MCRIP1: variants seen among roughly 807,000 people sequenced by gnomAD.
MCRIP1 encodes MAPK regulated corepressor interacting protein 1, also known as mapk-regulated corepressor-interacting protein 1.
A neutral mutation model predicts 14.4 loss-of-function variants in MCRIP1; 10 were observed. The ratio of observed to expected loss-of-function variants is 0.70; its 90% CI spans 0.43 to 1.18. The LOEUF is 1.18. MCRIP1 is among the 50% of genes most tolerant of loss of function. The pLI is 0.00. For synonymous variants in MCRIP1, 53 were observed against 55.7 expected (o/e 0.95, Z 0.21); for missense variants, 119 against 135.4 (o/e 0.88, Z 0.60).
In MCRIP1 at chr17:81,823,146, G is replaced by C; in HGVS notation, c.*101C>G. ...CCAGTGCTGGGATCTGCAGCCCGCTGGAGCAAGGCACCCCCATCCCAGGGG... is the reference window on the plus strand; with the variant it reads ...CCAGTGCTGGGATCTGCAGCCCGCTCGAGCAAGGCACCCCCATCCCAGGGG... On this transcript the variant is annotated 3_prime_UTR_variant, in exon 5 of 5. Transcript: ENST00000455127. The surrounding 1 kb of genome is among the most constrained non-coding windows in gnomAD (Gnocchi z 6.0). 8.6e-7 allele frequency: 1 copy of C among 1,160,428 alleles called. No individual in the cohort carries two copies. The highest frequency in any genetic ancestry group is 1.2e-6 in the Non-Finnish European group (1 of 807,160). The allele number at this position is 1,160,428 out of a possible 1,614,324, so 71.9% of individuals were successfully genotyped here. A position where few individuals can be genotyped will look rare whatever the true frequency, so the allele number is the denominator to read the frequency against.
intron 1 of MCRIP1, 32 bp downstream of exon 1, chr17:81,833,206 G>C (rs1174084115): frequency 1.4e-5 from 2 of 141,924 alleles, no homozygotes; most frequent in African/African-American, 5.0e-5. Flanking sequence ...GCCCCGCCCC[G>C]TCCCCGCCGC....
chr17:81,823,909 A>T lies in MCRIP1; in HGVS notation c.127+378T>A, dbSNP rs2038327591. ...ACAACCACCTCCCGGCCACTTCTGC[A>T]ACACGCCCGTTCATGGCTGGATGCG... On this transcript the variant is annotated intron_variant, in intron 3 of 4. Coordinates refer to ENST00000455127, the MANE Select transcript of MCRIP1 (RefSeq NM_207368.5). This position sits in a 1 kb window ranked among gnomAD's most constrained non-coding sequence, Gnocchi z 6.0. 1 of 514,388 alleles carries T rather than the reference A, an allele frequency of 1.9e-6. No individual in the cohort carries two copies. The highest frequency in any genetic ancestry group is 1.9e-5 in the African/African-American group (1 of 51,988). 31.9% of individuals were successfully genotyped at this position (514,388 alleles called of 1,614,324 possible). A position where few individuals can be genotyped will look rare whatever the true frequency, so the allele number is the denominator to read the frequency against.
rs547824351 is a variant in MCRIP1 at position 81,822,786 on chromosome 17, G to A, written c.*461C>T. Reference sequence around the variant, plus strand: ...CACGGGAGCAGCAAGGGTCTGCGGGGAGCCCAGGCTGGATGGGGTGGGGCT... The same window carrying A: ...CACGGGAGCAGCAAGGGTCTGCGGGAAGCCCAGGCTGGATGGGGTGGGGCT... On this transcript the variant is annotated 3_prime_UTR_variant, in exon 5 of 5. Coordinates refer to ENST00000455127, the MANE Select transcript of MCRIP1 (RefSeq NM_207368.5). The A allele has an allele frequency of 1.2e-4, 26 of 216,776 alleles. No individual in the cohort carries two copies. The South Asian group carries it at 1.9e-3, about 15-fold the overall frequency. 13.4% of individuals were successfully genotyped at this position (216,776 alleles called of 1,614,324 possible). A position where few individuals can be genotyped will look rare whatever the true frequency, so the allele number is the denominator to read the frequency against.
chr17:81,826,369 T>C lies in MCRIP1; in HGVS notation c.-48-1815A>G, dbSNP rs776573218. 3.3e-6 allele frequency: 5 copies of C among 1,535,298 alleles called. No homozygotes were observed. In the African/African-American group the frequency reaches 4.1e-5, roughly 13 times the overall value. On this transcript the variant is annotated intron_variant, in intron 1 of 4. Transcript: ENST00000455127. ...CCCACACACATGCGGCACACACCCA[T>C]ATGAACACACCTGGTGTGGCAGCAT... is the stretch of plus-strand genomic sequence containing the variant.
At chr17:81,824,204 C>T (rs1489186109) in intron 3 of MCRIP1, 83 bp downstream of exon 3, 1 of 1,144,520 alleles carries the variant, frequency 8.7e-7, no homozygotes, top group Non-Finnish European at 1.3e-6. Context: ...GCAGGAGGTT[C>T]CTCGGAGCGT....
intron 3 of MCRIP1, among the ~76,000 whole-genome samples, chr17:81,824,006 G>C (rs2038329907): frequency 6.6e-6 from 1 of 152,250 alleles, no homozygotes; most frequent in Middle Eastern, 3.4e-3. Context: ...TGGATGACTG[G>C]CTCCCAGTGC....
intron 1 of MCRIP1, chr17:81,825,029 TGATTTCCTTTCTGTAAAACGGG>T (rs2038360637): frequency 2.9e-6 from 3 of 1,020,488 alleles, no homozygotes; most frequent in Non-Finnish European, 2.3e-6. Flanking sequence ...TGCTGAGCCT[TGATTTCCTTTCTGTAAAACGGG>T]GATGAGCTTC....
At chr17:81,824,662 G>C (rs370593495) in intron 1 of MCRIP1, 108 bp from the exon 2 acceptor site, 2 of 1,506,906 alleles carry the variant, frequency 1.3e-6, no homozygotes, top group Admixed American at 4.0e-5. Flanking sequence ...TGTGAACAAA[G>C]TGCATGGTCC....
chr17:81,829,250 C>T (rs2038471754), intron 1 of MCRIP1, among the ~76,000 whole-genome samples: 1 of 146,392 alleles, frequency 6.8e-6, no homozygotes, highest in South Asian at 2.2e-4. Context: ...CGAGGCCGAC[C>T]ACAGGTGAAG....
At chr17:81,831,157 G>A (rs771322102) in intron 1 of MCRIP1, among the ~76,000 whole-genome samples, 2 of 140,432 alleles carry the variant, frequency 1.4e-5, no homozygotes, top group Non-Finnish European at 3.0e-5. Flanking sequence ...GGGCAACAGA[G>A]CAAGACTCTG....
intron 3 of MCRIP1, 116 bp downstream of exon 3, chr17:81,824,171 C>A: frequency 1.2e-6 from 1 of 839,594 alleles, no homozygotes; most frequent in Non-Finnish European, 1.9e-6. Context: ...TATCTGTGCC[C>A]TGGAGGGGCA....
chr17:81,824,959 C>T (rs1015577293), intron 1 of MCRIP1: 12 of 1,090,190 alleles, frequency 1.1e-5, no homozygotes, highest in Admixed American at 9.6e-5. Context: ...AGCAGAGGGC[C>T]TGCAGCCCCT....
intron 1 of MCRIP1, among the ~76,000 whole-genome samples, chr17:81,829,676 G>C (rs996034456): frequency 2.0e-5 from 3 of 152,142 alleles, no homozygotes; most frequent in Non-Finnish European, 4.4e-5. Flanking sequence ...GAGGACCCTC[G>C]ATGACACTCT....
rs558337196 is a variant in MCRIP1, at chr17:81,825,149, G to A, written c.-48-595C>T. On this transcript the variant is annotated intron_variant, in intron 1 of 4. Coordinates refer to ENST00000455127, the MANE Select transcript of MCRIP1 (RefSeq NM_207368.5). ...GAGCCACATCAGTACCCTGGAGATG[G>A]AACCAAACTCCAGCTCCCCTGGTGG... 283 of 1,036,302 alleles carry A rather than the reference G, an allele frequency of 2.7e-4. 2 individuals carry two copies. The African/African-American group carries it at 4.7e-3, about 17-fold the overall frequency. 64.2% of individuals were successfully genotyped at this position (1,036,302 alleles called of 1,614,324 possible). A position where few individuals can be genotyped will look rare whatever the true frequency, so the allele number is the denominator to read the frequency against.
intron 1 of MCRIP1, among the ~76,000 whole-genome samples, chr17:81,828,261 GC>G (rs1309342899): frequency 7.5e-6 from 1 of 132,990 alleles, no homozygotes; most frequent in Non-Finnish European, 1.6e-5. Flanking sequence ...GCCTCACACT[GC>G]CCCCCCACCC....
At position 81,823,694 on chromosome 17, in the gene MCRIP1, C is replaced by T. The variant is rs911772430; in HGVS notation, c.128-181G>A. On this transcript the variant is annotated intron_variant, in intron 3 of 4. Transcript: ENST00000455127. This position sits in a 1 kb window ranked among gnomAD's most constrained non-coding sequence, Gnocchi z 6.0. The stretch of plus-strand genomic sequence containing the variant: ...CTCACTCACCTGCAGACCCCGTCCC[C>T]GCTCCTCTGGCAGGCCTGTCCCTTC... 4 of 618,984 alleles carry T rather than the reference C, an allele frequency of 6.5e-6. No individual in the cohort carries two copies. Among genetic ancestry groups the T allele is most frequent in the East Asian group, 2.7e-5 (1 of 36,534 alleles). The allele number at this position is 618,984 out of a possible 1,614,324, so 38.3% of individuals were successfully genotyped here.
rs555491860 is a variant in MCRIP1, at chr17:81,827,262, TTTTATTTA to T, written c.-48-2716_-48-2709del. Among the ~76,000 whole-genome samples the T allele has an allele frequency of 1.5e-4, 23 of 151,906 alleles. No individual in the cohort carries two copies. The East Asian group carries it at 2.5e-3, about 17-fold the overall frequency. On this transcript the variant is annotated intron_variant, in intron 1 of 4. Coordinates refer to ENST00000455127, the MANE Select transcript of MCRIP1 (RefSeq NM_207368.5). ...GGGCAACATGGCAAAATCCCATTTCTTTTATTTATTTATTTATTTATTTATTTGAGATG... is the reference window on the plus strand; with the variant it reads ...GGGCAACATGGCAAAATCCCATTTCTTTTATTTATTTATTTATTTGAGATG...
intron 1 of MCRIP1, among the ~76,000 whole-genome samples, chr17:81,826,998 G>A (rs2038417675): frequency 6.8e-6 from 1 of 147,770 alleles, no homozygotes; most frequent in Admixed American, 6.8e-5. Context: ...GGCACCTGTG[G>A]TCCCAGCTAC....
chr17:81,826,225 G>GCA lies in MCRIP1; in HGVS notation c.-48-1673_-48-1672dup, dbSNP rs537758024. 13,211 of 1,358,786 alleles carry GCA rather than the reference G, an allele frequency of 9.7e-3. 153 individuals are homozygous for GCA. Among genetic ancestry groups the GCA allele is most frequent in the African/African-American group, 0.082 (5,697 of 69,750 alleles). 84.2% of individuals were successfully genotyped at this position (1,358,786 alleles called of 1,614,324 possible). Reference sequence around the variant, plus strand: ...TTCCGGGGCTCCCTTTGCCTTGTGTGCACACACACACACACACACACACCT... The same window carrying GCA: ...TTCCGGGGCTCCCTTTGCCTTGTGTGCACACACACACACACACACACACACCT... On this transcript the variant is annotated intron_variant, in intron 1 of 4. Transcript: ENST00000455127.
Sources: allele counts gnomAD v4.1 joint callset (sites outside exome capture counted in the v4.1 genomes callset), GRCh38; gene constraint gnomAD v4.1.1; non-coding constraint Gnocchi (gnomAD v3.1); transcripts MANE v1.5; gene names NCBI Gene and HGNC (gene_info 2026-07-23, HGNC 2026-07-21).